Variants in IL3RA observed in about 807,000 individuals in gnomAD.
IL3RA encodes interleukin-3 receptor subunit alpha.
IL3RA carries 73 observed loss-of-function variants against 52.3 expected under a neutral mutation model. That is an observed-to-expected ratio of 1.40 (90% CI 1.16 to 1.70). IL3RA has a LOEUF of 1.70. Ranked by LOEUF, IL3RA falls within the 40% of genes most tolerant of loss-of-function variation. The pLI is 0.00. For missense variants in IL3RA, 664 were observed against 504.4 expected, an observed-to-expected ratio of 1.32 and a Z score of -3.03; for synonymous variants, 260 against 194.0, an observed-to-expected ratio of 1.34 and a Z score of -2.83.
At chrX:1,349,500 T>A (rs1369378639) in intron 4 of IL3RA, among the ~76,000 whole-genome samples, 1 of 151,720 alleles carries the variant, frequency 6.6e-6, no homozygotes, top group Non-Finnish European at 1.5e-5. Flanking sequence ...TTTGTAGAGA[T>A]GGGGTGTCGC....
At chrX:1,344,092 T>C (rs1385854629) in intron 2 of IL3RA, among the ~76,000 whole-genome samples, 1 of 151,944 alleles carries the variant, frequency 6.6e-6, no homozygotes, top group African/African-American at 2.4e-5. Context: ...CCACGCCCGT[T>C]TGCTTTATGA....
At chrX:1,360,322 C>T (rs1165101011) in intron 8 of IL3RA, among the ~76,000 whole-genome samples, 1 of 136,760 alleles carries the variant, frequency 7.3e-6, no homozygotes, top group East Asian at 2.0e-4. Context: ...GTGTCTGTCT[C>T]TGTATCTCTC....
chrX:1,352,724 C>T (rs17882890), intron 6 of IL3RA, among the ~76,000 whole-genome samples: 119,008 of 151,818 alleles, frequency 0.78, 47,612 homozygotes, highest in African/African-American at 0.93. Flanking sequence ...TGTGTCTTCA[C>T]GTGGTGTAGA....
At position 1,348,684 on chromosome X, in the gene IL3RA, T is replaced by TTCTTTCTTTCTTTC. The variant is rs1247604652; in HGVS notation, c.298+148_298+149insCTTTCTCTTTCTTT. ...TTTCTTTCTTTCTTTCTTTCTTTCT[T>TTCTTTCTTTCTTTC]TCTTTCTTTTTCTTTCTTTCTGTTT... On this transcript the variant is annotated intron_variant, in intron 4 of 11. Transcript: ENST00000331035. 780 of 272,620 alleles carry TTCTTTCTTTCTTTC rather than the reference T, an allele frequency of 2.9e-3. 50 individuals carry two copies. The highest frequency in any genetic ancestry group is 4.6e-3 in the Non-Finnish European group (662 of 145,390). The allele number at this position is 272,620 out of a possible 1,614,324, so 16.9% of individuals were successfully genotyped here.
chrX:1,341,599 ACCG>A, intron 1 of IL3RA, 126 bp from the exon 2 acceptor site: 1 of 692,994 alleles, frequency 1.4e-6, no homozygotes, highest in Non-Finnish European at 2.5e-6. Context: ...CACACTCACC[ACCG>A]CTTTCCCTCC....
At chrX:1,338,721 C>G (rs761809811) in intron 1 of IL3RA, among the ~76,000 whole-genome samples, 1 of 152,202 alleles carries the variant, frequency 6.6e-6, no homozygotes, top group East Asian at 1.9e-4. Context: ...GTGGTTGCCA[C>G]AGGCTGGGGA....
rs774211187 is a variant in IL3RA, at chrX:1,363,066, G to A, written c.760-2072G>A. Among the ~76,000 whole-genome samples the A allele has an allele frequency of 2.1e-3, 314 of 152,008 alleles. 1 individual carries two copies. Among genetic ancestry groups the A allele is most frequent in the African/African-American group, 7.1e-3 (295 of 41,460 alleles). ...GCTGGGATTACAGGTGTCAGCCACC[G>A]CGCCCGGCCACGTCTCCTCTTCTTA... On this transcript the variant is annotated intron_variant, in intron 8 of 11. Coordinates refer to ENST00000331035, the MANE Select transcript of IL3RA (RefSeq NM_002183.4).
At chrX:1,364,363 C>T (rs1426219677) in intron 8 of IL3RA, among the ~76,000 whole-genome samples, 1 of 136,886 alleles carries the variant, frequency 7.3e-6, no homozygotes, top group Non-Finnish European at 1.6e-5. Context: ...TGGTGGTGGG[C>T]GCCTGTAATC....
intron 9 of IL3RA, among the ~76,000 whole-genome samples, chrX:1,370,805 A>G (rs1176899254): frequency 1.2e-5 from 1 of 81,394 alleles, no homozygotes; most frequent in African/African-American, 7.0e-5. Flanking sequence ...CCCTGTGAGG[A>G]CACAGGGAGA....
chrX:1,356,207 T>C lies in IL3RA; in HGVS notation c.617-14T>C. 1 of 1,505,398 alleles carries C rather than the reference T, an allele frequency of 6.6e-7. No individual in the cohort carries two copies. The highest frequency in any genetic ancestry group is 9.2e-7 in the Non-Finnish European group (1 of 1,090,948). The allele number at this position is 1,505,398 out of a possible 1,614,324, so 93.3% of individuals were successfully genotyped here. A position where few individuals can be genotyped will look rare whatever the true frequency, so the allele number is the denominator to read the frequency against. ...TGTACTCCTAAATCCTAAAAGTGTT[T>C]TTCTCGTTGCTAGAGATATTAACTC... is the stretch of plus-strand genomic sequence containing the variant. On this transcript the variant is annotated splice_polypyrimidine_tract_variant and intron_variant, in intron 6 of 11. Transcript: ENST00000331035.
Position 1,348,504 on chromosome X carries a change from C to CCA in IL3RA, c.258_259dup (p.Asn87ThrfsTer25). On this transcript the variant is annotated frameshift_variant, in exon 4 of 12. Coordinates refer to ENST00000331035, the MANE Select transcript of IL3RA (RefSeq NM_002183.4). LOFTEE classifies it high-confidence loss of function. ...GTGACCAACTACACCGTCCGAGTGG[C>CCA]CAACCCACCATTCTCCACGTGGATC... is the stretch of plus-strand genomic sequence containing the variant. The CCA allele has an allele frequency of 6.2e-7, 1 of 1,613,832 alleles. No individual in the cohort carries two copies. Among genetic ancestry groups the CCA allele is most frequent in the Non-Finnish European group, 8.5e-7 (1 of 1,179,808 alleles).
intron 9 of IL3RA, 64 bp from the exon 10 acceptor site, chrX:1,378,595 C>T: frequency 7.1e-7 from 1 of 1,409,640 alleles, no homozygotes; most frequent in Non-Finnish European, 9.9e-7. Flanking sequence ...CCGGGGAGAG[C>T]TTACAGTCCC....
At chrX:1,354,215 A>G (rs2086435811) in intron 6 of IL3RA, among the ~76,000 whole-genome samples, 1 of 152,006 alleles carries the variant, frequency 6.6e-6, no homozygotes, top group Non-Finnish European at 1.5e-5. Context: ...ACTTCAGCCC[A>G]CGCCAGTCAC....
intron 10 of IL3RA, 139 bp downstream of exon 10, chrX:1,378,903 C>T (rs2088987249): frequency 2.4e-6 from 2 of 823,888 alleles, no homozygotes; most frequent in Admixed American, 2.2e-5. Context: ...AGTGCAGTGG[C>T]ACGATCTGGG....
chrX:1,345,218 G>T (rs1350553402), intron 2 of IL3RA, 98 bp from the exon 3 acceptor site: 2 of 697,470 alleles, frequency 2.9e-6, no homozygotes, highest in Non-Finnish European at 4.8e-6. Context: ...CAAAGGTATT[G>T]GCTAACTCCA....
intron 1 of IL3RA, among the ~76,000 whole-genome samples, chrX:1,340,990 G>A (rs1450945039): frequency 6.6e-6 from 1 of 152,134 alleles, no homozygotes; most frequent in Non-Finnish European, 1.5e-5. Flanking sequence ...GGTGGTGGGT[G>A]CCTATAATCC....
In IL3RA at chrX:1,352,375, G is replaced by A. The variant is rs774419456; in HGVS notation, c.485G>A (p.Arg162His). 4.3e-6 allele frequency: 7 copies of A among 1,613,880 alleles called. No individual in the cohort carries two copies. Among genetic ancestry groups the A allele is most frequent in the Non-Finnish European group, 5.9e-6 (7 of 1,179,866 alleles). The change falls in exon 6 of 12, where the codon CGT becomes CAT. Residue 162 changes from arginine to histidine, a missense_variant. Arg to His is a conservative substitution (Grantham distance 29). Coordinates refer to ENST00000331035, the MANE Select transcript of IL3RA (RefSeq NM_002183.4). ...TACAAAACGGATGCTCAGGGAACAC[G>A]TATCGGGTGTCGTTTCGATGACATC... ...LHYKTDAQGT[R>H]IGCRFDDISR...
At chrX:1,345,754 T>A in intron 3 of IL3RA, among the ~76,000 whole-genome samples, 1 of 151,832 alleles carries the variant, frequency 6.6e-6, no homozygotes, top group Non-Finnish European at 1.5e-5. Context: ...CCTCCCAAAG[T>A]GCTGGGATTA....
Position 1,365,167 on chromosome X carries a change from C to G in IL3RA, c.789C>G (p.Leu263=), listed in dbSNP as rs759882147. ...GAGACAGAACCTCCTTCCAGCTACT[C>G]AATCCTGGAACGTACACAGTACAAA... ...QVRDRTSFQL[L]NPGTYTVQIR... The change falls in exon 9 of 12, where the codon CTC becomes CTG. Residue 263 remains leucine, a synonymous_variant. Coordinates refer to ENST00000331035, the MANE Select transcript of IL3RA (RefSeq NM_002183.4). The G allele has an allele frequency of 4.7e-5, 75 of 1,610,594 alleles. No individual in the cohort carries two copies. The highest frequency in any genetic ancestry group is 6.1e-5 in the Non-Finnish European group (72 of 1,178,446).
Sources: allele counts gnomAD v4.1 joint callset (sites outside exome capture counted in the v4.1 genomes callset), GRCh38; gene constraint gnomAD v4.1.1; transcripts MANE v1.5; gene names NCBI Gene and HGNC (gene_info 2026-07-23, HGNC 2026-07-21).